Variants in KIAA0753 observed in about 807,000 individuals in gnomAD.
KIAA0753 encodes protein moonraker.
In KIAA0753, 114 loss-of-function variants were observed where a neutral mutation model predicts 116.9. The ratio of observed to expected loss-of-function variants is 0.98; its 90% confidence interval spans 0.84 to 1.14. KIAA0753 has a LOEUF of 1.14. Among genes scored for constraint, KIAA0753 ranks in the 50% most tolerant of loss-of-function variants. The pLI, the probability that KIAA0753 is intolerant of heterozygous loss-of-function variation, is 0.00. For missense variants in KIAA0753, 1,156 were observed against 1,172.4 expected, an observed-to-expected ratio of 0.99 and a Z score of 0.20; for synonymous variants, 405 against 413.1, an observed-to-expected ratio of 0.98 and a Z score of 0.24.
intron 18 of KIAA0753, among the ~76,000 whole-genome samples, chr17:6,584,896 G>A (rs1351464962): frequency 6.6e-6 from 1 of 152,066 alleles, no homozygotes; most frequent in Non-Finnish European, 1.5e-5. Flanking sequence ...TGATTTCCTG[G>A]GCTCAAGCAA....
chr17:6,600,504 A>G, intron 12 of KIAA0753, 46 bp from the exon 13 acceptor site: 4 of 1,465,488 alleles, frequency 2.7e-6, no homozygotes, highest in Non-Finnish European at 3.8e-6. Context: ...GCAATAAAAT[A>G]TCCTATTTTG....
chr17:6,593,710 C>T (rs1457151876), intron 16 of KIAA0753, among the ~76,000 whole-genome samples: 4 of 152,214 alleles, frequency 2.6e-5, no homozygotes, highest in Admixed American at 2.6e-4. Flanking sequence ...CATGGCAAAA[C>T]CCTGTCTCTA....
intron 7 of KIAA0753, among the ~76,000 whole-genome samples, chr17:6,616,474 A>T (rs897864317): frequency 6.6e-6 from 1 of 152,224 alleles, no homozygotes; most frequent in Non-Finnish European, 1.5e-5. Context: ...TGCCACTTAC[A>T]ACAACTAAGT....
intron 18 of KIAA0753, among the ~76,000 whole-genome samples, chr17:6,582,563 TTG>T (rs1233861232): frequency 1.3e-5 from 2 of 152,242 alleles, no homozygotes; most frequent in African/African-American, 4.8e-5. Context: ...TGACAATCTT[TTG>T]TCTTTTAATT....
At position 6,628,219 on chromosome 17, in the gene KIAA0753, C is replaced by G; in HGVS notation, c.616G>C (p.Asp206His). 1 of 1,613,980 alleles carries G rather than the reference C, an allele frequency of 6.2e-7. No homozygotes were observed. The highest frequency in any genetic ancestry group is 8.5e-7 in the Non-Finnish European group (1 of 1,180,006). ...TTCTGTTCACTTATGTTTTTGTGGT[C>G]ACCTATCCTGGGATGAGGCTGAAGT... The part of the protein sequence containing the change: ...PGLQPHPRIG[D>H]HKNISEQKSL... Residue 206 changes from aspartate to histidine, a missense_variant, in exon 3 of 19, where the codon GAC (aspartate) becomes CAC (histidine). By Grantham distance (81) the Asp-to-His change is moderately conservative (BLOSUM62 -1). Coordinates refer to ENST00000361413, the MANE Select transcript of KIAA0753 (RefSeq NM_014804.3).
intron 18 of KIAA0753, among the ~76,000 whole-genome samples, chr17:6,581,772 T>C (rs1462617627): frequency 6.6e-6 from 1 of 152,244 alleles, no homozygotes; most frequent in Non-Finnish European, 1.5e-5. Flanking sequence ...TGCTTGAAAA[T>C]GTCCTGGATT....
At position 6,628,117 on chromosome 17, in the gene KIAA0753, C is replaced by G. The variant is rs1428487027; in HGVS notation, c.718G>C (p.Asp240His). 3 of 1,604,172 alleles carry G rather than the reference C, an allele frequency of 1.9e-6. No individual in the cohort carries two copies. In the African/African-American group the frequency reaches 4.1e-5, roughly 22 times the overall value. ...IHKIEEVTKK[D>H]RLEEALDPDE... ...AAGTAAAGAATCTAATTTTTCTCACCTTTTTTAGTTACCTCTTCAATTTTG... is the reference window on the plus strand; with the variant it reads ...AAGTAAAGAATCTAATTTTTCTCACGTTTTTTAGTTACCTCTTCAATTTTG... The change falls in exon 3 of 19, where the codon GAT (aspartate) becomes CAT (histidine). Residue 240 changes from aspartate (D) to histidine (H), a missense_variant and splice_region_variant. Coordinates refer to ENST00000361413, the MANE Select transcript of KIAA0753 (RefSeq NM_014804.3).
At chr17:6,600,318 CA>C in intron 13 of KIAA0753, 61 bp downstream of exon 13, 1 of 1,286,950 alleles carries the variant, frequency 7.8e-7, no homozygotes. Flanking sequence ...ACCTCTGCAG[CA>C]ACTCATTTTA....
chr17:6,620,521 G>A (rs1971241479), intron 7 of KIAA0753, among the ~76,000 whole-genome samples: 2 of 151,710 alleles, frequency 1.3e-5, no homozygotes, highest in Admixed American at 6.6e-5. Context: ...TTTAAAGTAG[G>A]GTTCTAACTT....
chr17:6,626,736 C>T (rs147881669), intron 3 of KIAA0753, among the ~76,000 whole-genome samples: 1 of 152,144 alleles, frequency 6.6e-6, no homozygotes, highest in Non-Finnish European at 1.5e-5. Context: ...AGCAGTTTGC[C>T]GCTACTGTGA....
intron 3 of KIAA0753, 27 bp downstream of exon 3, chr17:6,628,090 C>G (rs1045317696): frequency 1.3e-6 from 2 of 1,590,218 alleles, no homozygotes; most frequent in Non-Finnish European, 1.7e-6. Flanking sequence ...AGCCTTAGGT[C>G]GAAGTAAAGA....
chr17:6,594,918 G>T, intron 16 of KIAA0753, 54 bp downstream of exon 16: 2 of 1,388,792 alleles, frequency 1.4e-6, no homozygotes, highest in Non-Finnish European at 2.0e-6. Context: ...TTTTCTGTAT[G>T]TTTGAAATTC....
At chr17:6,588,873 C>A (rs553124529) in intron 18 of KIAA0753, among the ~76,000 whole-genome samples, 1 of 152,232 alleles carries the variant, frequency 6.6e-6, no homozygotes, top group South Asian at 2.1e-4. Flanking sequence ...CTCCACAAAA[C>A]TACCTTACCC....
At chr17:6,628,988 C>T (rs906428350) in intron 2 of KIAA0753, among the ~76,000 whole-genome samples, 3 of 152,182 alleles carry the variant, frequency 2.0e-5, no homozygotes. Context: ...ATACTGGGAA[C>T]CATCTCTAAA....
At chr17:6,596,040 G>T in intron 15 of KIAA0753, 118 bp downstream of exon 15, 1 of 963,370 alleles carries the variant, frequency 1.0e-6, no homozygotes, top group Non-Finnish European at 1.6e-6. Context: ...ATAGAGCAGG[G>T]ATTTAAAACT....
intron 18 of KIAA0753, among the ~76,000 whole-genome samples, chr17:6,582,473 GGT>G (rs1467829827): frequency 6.6e-6 from 1 of 152,184 alleles, no homozygotes; most frequent in Non-Finnish European, 1.5e-5. Context: ...ACACAAAAAT[GGT>G]AAATGCAGAT....
In KIAA0753 at chr17:6,628,643, G is replaced by C; in HGVS notation, c.192C>G (p.His64Gln). The change falls in exon 3 of 19, where the codon CAC becomes CAG. Residue 64 changes from histidine to glutamine, a missense_variant. Transcript: ENST00000361413. The part of the protein sequence containing the change: ...PHAIRIEKLK[H>Q]SYNESYHCKD... ...TACAATGGTATGATTCATTGTATGA[G>C]TGCTTCAGTTTTTCAATTCTAATGG... The C allele has an allele frequency of 6.2e-7, 1 of 1,614,132 alleles. No homozygotes were observed. Among genetic ancestry groups the C allele is most frequent in the Non-Finnish European group, 8.5e-7 (1 of 1,179,996 alleles).
intron 9 of KIAA0753, 23 bp from the exon 10 acceptor site, chr17:6,608,487 C>T: frequency 7.4e-7 from 1 of 1,352,186 alleles, no homozygotes. Context: ...GAAAAGCATA[C>T]CTTTGTCATC....
rs1971265768 is a variant in KIAA0753, at chr17:6,620,801, C to T, written c.1302G>A (p.Lys434=). The T allele has an allele frequency of 6.2e-7, 1 of 1,614,134 alleles. No individual in the cohort carries two copies. Among genetic ancestry groups the T allele is most frequent in the African/African-American group, 1.3e-5 (1 of 75,054 alleles). Residue 434 remains lysine (K), a synonymous_variant, in exon 7 of 19, where the codon AAG becomes AAA. Transcript: ENST00000361413. ...TAAGACACATACCGGCAAGAAGCTG[C>T]TTTGCTACAGAAGGTCGACTTGTTT... ...PQETSRPSVA[K]QLLADKYQPD... is the part of the protein sequence containing the mutation.
Sources: gnomAD v4.1 joint callset for allele counts (sites outside exome capture counted in the v4.1 genomes callset) on GRCh38, gnomAD v4.1.1 for gene constraint, MANE v1.5 for transcripts, NCBI Gene and HGNC (gene_info 2026-07-23, HGNC 2026-07-21) for gene names.